Variants in LIN52 observed in about 807,000 individuals in gnomAD.
LIN52 encodes protein lin-52 homolog.
A neutral mutation model predicts 18.5 loss-of-function variants in LIN52; 4 were observed. That is an observed-to-expected ratio of 0.22 (90% CI 0.11 to 0.49). The LOEUF (loss-of-function observed/expected upper bound fraction) is 0.49. LIN52 is among the 20% of genes least tolerant of loss of function. The pLI is 0.97. For synonymous variants in LIN52, 34 were observed against 45.5 expected (o/e 0.75, Z 1.02); for missense variants, 102 against 139.5 (o/e 0.73, Z 1.35).
At chr14:74,121,121 T>C (rs1595163210) in intron 5 of LIN52, among the ~76,000 whole-genome samples, 1 of 152,204 alleles carries the variant, frequency 6.6e-6, no homozygotes, top group South Asian at 2.1e-4. Flanking sequence ...AAATAAACTA[T>C]ACACAGTAGA....
intron 5 of LIN52, among the ~76,000 whole-genome samples, chr14:74,173,477 G>A (rs149876811): frequency 0.011 from 1,686 of 152,242 alleles, 11 homozygotes; most frequent in Middle Eastern, 0.017. Context: ...ATGAGCCATC[G>A]TGCCCAGCCT....
At chr14:74,153,154 A>G (rs969605188) in intron 5 of LIN52, among the ~76,000 whole-genome samples, 1 of 152,188 alleles carries the variant, frequency 6.6e-6, no homozygotes, top group Non-Finnish European at 1.5e-5. Context: ...CCTACATTTT[A>G]TCATTACCAG....
chr14:74,159,761 G>A (rs1232723679), intron 5 of LIN52, among the ~76,000 whole-genome samples: 2 of 151,936 alleles, frequency 1.3e-5, no homozygotes, highest in African/African-American at 2.4e-5. Flanking sequence ...TAGTAGAGAC[G>A]GGGTTTCACC....
At chr14:74,188,724 T>C (rs2061350711) in intron 5 of LIN52, among the ~76,000 whole-genome samples, 1 of 152,136 alleles carries the variant, frequency 6.6e-6, no homozygotes, top group South Asian at 2.1e-4. Flanking sequence ...GTTATTCGAA[T>C]AGACAGGAGT....
chr14:74,144,749 C>T (rs868414530), intron 5 of LIN52, among the ~76,000 whole-genome samples: 24 of 152,164 alleles, frequency 1.6e-4, no homozygotes, highest in Middle Eastern at 3.4e-3. Context: ...AAATTGTTAC[C>T]GTTTGGGCCT....
chr14:74,171,692 A>G (rs1188094761), intron 5 of LIN52, among the ~76,000 whole-genome samples: 1 of 96,034 alleles, frequency 1.0e-5, no homozygotes, highest in East Asian at 2.0e-4. Context: ...ATGAATTTAG[A>G]TCAAATATTA....
chr14:74,106,799 C>T (rs1279750837), intron 5 of LIN52, among the ~76,000 whole-genome samples: 1 of 152,132 alleles, frequency 6.6e-6, no homozygotes, highest in Non-Finnish European at 1.5e-5. Flanking sequence ...ACTATGTTGG[C>T]CAGGCTGGTC....
intron 5 of LIN52, among the ~76,000 whole-genome samples, chr14:74,105,395 C>A (rs1468507): frequency 0.51 from 76,744 of 151,908 alleles, 20,018 homozygotes; most frequent in East Asian, 0.89. Flanking sequence ...ATTTGGTGTT[C>A]TTTCAATTTC....
chr14:74,106,883 G>T (rs1485339735), intron 5 of LIN52, among the ~76,000 whole-genome samples: 2 of 152,202 alleles, frequency 1.3e-5, no homozygotes, highest in South Asian at 2.1e-4. Context: ...GAGCCACCAC[G>T]CCCGGCCCCG....
At chr14:74,093,740 C>T (rs1437968976) in intron 2 of LIN52, among the ~76,000 whole-genome samples, 2 of 152,088 alleles carry the variant, frequency 1.3e-5, no homozygotes, top group African/African-American at 2.4e-5. Context: ...CCGAGGTGGG[C>T]GGATTACCTG....
intron 5 of LIN52, among the ~76,000 whole-genome samples, chr14:74,150,693 G>A (rs1427942452): frequency 2.0e-5 from 3 of 152,158 alleles, no homozygotes; most frequent in African/African-American, 7.2e-5. Context: ...AAGACAAATA[G>A]TGACTGAGAT....
At chr14:74,144,015 A>T (rs2061143832) in intron 5 of LIN52, among the ~76,000 whole-genome samples, 1 of 151,866 alleles carries the variant, frequency 6.6e-6, no homozygotes, top group South Asian at 2.1e-4. Flanking sequence ...AAGATTCCAC[A>T]TATGAGTGAG....
At chr14:74,196,042 G>A (rs1052034612) in intron 5 of LIN52, among the ~76,000 whole-genome samples, 3 of 152,118 alleles carry the variant, frequency 2.0e-5, no homozygotes, top group Non-Finnish European at 4.4e-5. Context: ...TCATACATTC[G>A]TATATCTCCT....
chr14:74,187,093 T>G (rs1020255908), intron 5 of LIN52, among the ~76,000 whole-genome samples: 4 of 152,010 alleles, frequency 2.6e-5, no homozygotes, highest in Non-Finnish European at 5.9e-5. Context: ...GAAAAAAAAG[T>G]AAAAAAGAAG....
At chr14:74,192,088 C>T in intron 5 of LIN52, among the ~76,000 whole-genome samples, 1 of 120,614 alleles carries the variant, frequency 8.3e-6, no homozygotes, top group South Asian at 2.6e-4. Context: ...TTTGTGTTAC[C>T]ATTTATCTTG....
chr14:74,095,934 G>T lies in LIN52; in HGVS notation c.95-14G>T. The T allele has an allele frequency of 6.3e-7, 1 of 1,589,310 alleles. No individual in the cohort carries two copies. The highest frequency in any genetic ancestry group is 8.6e-7 in the Non-Finnish European group (1 of 1,161,544). On this transcript the variant is annotated splice_polypyrimidine_tract_variant and intron_variant, in intron 2 of 5. Transcript: ENST00000555028. Reference sequence around the variant, plus strand: ...ATACTTATTGAATAAATAAAGTTTTGTTTTTCTTTTTAGTACCAGGTGTTG... The same window carrying T: ...ATACTTATTGAATAAATAAAGTTTTTTTTTTCTTTTTAGTACCAGGTGTTG...
intron 5 of LIN52, 99 bp from the exon 6 acceptor site, chr14:74,198,823 A>G (rs368162319): frequency 1.1e-6 from 1 of 908,178 alleles, no homozygotes; most frequent in Non-Finnish European, 1.8e-6. Flanking sequence ...AACTTGATAT[A>G]TAATTTAAAT....
chr14:74,174,628 A>G (rs2061284548), intron 5 of LIN52: 1 of 152,092 alleles, frequency 6.6e-6, no homozygotes, highest in Non-Finnish European at 1.5e-5. Context: ...CAGTTTGCCT[A>G]AGGAAGGGTG....
intron 5 of LIN52, among the ~76,000 whole-genome samples, chr14:74,132,548 C>T (rs1013208632): frequency 3.9e-5 from 6 of 152,076 alleles, no homozygotes; most frequent in Non-Finnish European, 7.4e-5. Flanking sequence ...CTTACTCTGT[C>T]GCCAGGCTGG....
Sources: gnomAD v4.1 joint callset for allele counts (sites outside exome capture counted in the v4.1 genomes callset) on GRCh38, gnomAD v4.1.1 for gene constraint, MANE v1.5 for transcripts, NCBI Gene and HGNC (gene_info 2026-07-23, HGNC 2026-07-21) for gene names.